The following PDE1C variants were observed in gnomAD, a reference collection of about 807,000 sequenced individuals.
PDE1C encodes the protein dual specificity calcium/calmodulin-dependent 3',5'-cyclic nucleotide phosphodiesterase 1C.
In PDE1C, 62 loss-of-function variants were observed where a neutral mutation model predicts 93.1. The observed-to-expected ratio is 0.67, with a 90% CI of 0.54 to 0.82. PDE1C has a LOEUF of 0.82. PDE1C is among the 40% of genes least tolerant of loss of function. The pLI, the probability that PDE1C is intolerant of heterozygous loss-of-function variation, is 0.00. For missense variants in PDE1C, 742 were observed against 884.6 expected, an observed-to-expected ratio of 0.84 and a Z score of 2.04; for synonymous variants, 325 against 310.1, an observed-to-expected ratio of 1.05 and a Z score of -0.50.
chr7:32,324,474 C>A (rs1436146034), intron 1 of PDE1C, among the ~76,000 whole-genome samples: 2 of 152,222 alleles, frequency 1.3e-5, no homozygotes, highest in Non-Finnish European at 2.9e-5. Context: ...TCAATCAAAT[C>A]TTCCCAAATT....
chr7:31,669,002 G>C, the PDE1C span, among the ~76,000 whole-genome samples: 1 of 128,762 alleles, frequency 7.8e-6, no homozygotes, highest in African/African-American at 2.8e-5. Flanking sequence ...GGAAGGAGAA[G>C]GAAGTAGGGG....
At chr7:32,217,623 T>A (rs1005166209) in intron 1 of PDE1C, among the ~76,000 whole-genome samples, 1 of 152,138 alleles carries the variant, frequency 6.6e-6, no homozygotes, top group Non-Finnish European at 1.5e-5. Flanking sequence ...TTGTGACACA[T>A]GACCAAAGCC....
chr7:32,006,906 T>C (rs571962399), intron 2 of PDE1C, among the ~76,000 whole-genome samples: 248 of 152,282 alleles, frequency 1.6e-3, no homozygotes, highest in Middle Eastern at 3.4e-3. Flanking sequence ...ACAGTGCTCT[T>C]AAGCAAGACA....
At chr7:32,011,724 G>T (rs1205518623) in intron 2 of PDE1C, among the ~76,000 whole-genome samples, 4 of 152,190 alleles carry the variant, frequency 2.6e-5, no homozygotes, top group Non-Finnish European at 5.9e-5. Flanking sequence ...ATATCCTGCT[G>T]ATGGGAATGT....
the PDE1C span, among the ~76,000 whole-genome samples, chr7:31,730,188 A>C: frequency 1.3e-5 from 2 of 152,156 alleles, no homozygotes; most frequent in African/African-American, 4.8e-5. Flanking sequence ...GAACGTGTTT[A>C]CACTAATTAG....
At chr7:32,363,333 A>T (rs757007499) in intron 1 of PDE1C, among the ~76,000 whole-genome samples, 45 of 152,236 alleles carry the variant, frequency 3.0e-4, no homozygotes, top group Admixed American at 1.8e-3. Flanking sequence ...AAAGAAGCTA[A>T]AATAATGTGC....
chr7:31,718,491 T>TCC, the PDE1C span, among the ~76,000 whole-genome samples: 1 of 152,176 alleles, frequency 6.6e-6, no homozygotes. Context: ...CTAGGAAGGC[T>TCC]CCCATCACTG....
At chr7:32,200,326 T>C (rs1487581688) in intron 2 of PDE1C, among the ~76,000 whole-genome samples, 1 of 152,252 alleles carries the variant, frequency 6.6e-6, no homozygotes, top group African/African-American at 2.4e-5. Flanking sequence ...CATTTGATTC[T>C]GCCATTAGTA....
chr7:32,247,852 A>G (rs756511414), intron 1 of PDE1C, among the ~76,000 whole-genome samples: 1 of 152,192 alleles, frequency 6.6e-6, no homozygotes, highest in African/African-American at 2.4e-5. Flanking sequence ...TTATCAGGAC[A>G]TAACCCCATC....
intron 13 of PDE1C, among the ~76,000 whole-genome samples, chr7:31,824,227 T>C (rs910753996): frequency 1.3e-5 from 2 of 152,192 alleles, no homozygotes; most frequent in Non-Finnish European, 2.9e-5. Context: ...AAAGACTTTA[T>C]GGTAGCTAGC....
intron 1 of PDE1C, among the ~76,000 whole-genome samples, chr7:32,341,342 A>AT (rs1783751836): frequency 6.7e-6 from 1 of 148,300 alleles, no homozygotes; most frequent in Admixed American, 6.7e-5. Flanking sequence ...CGCCCGGCTA[A>AT]TTTTTTGTAT....
intron 2 of PDE1C, among the ~76,000 whole-genome samples, chr7:32,043,144 C>T (rs1457666718): frequency 1.3e-5 from 2 of 152,156 alleles, no homozygotes; most frequent in South Asian, 2.1e-4. Flanking sequence ...AAACATCCTA[C>T]AATGCACAGG....
At chr7:32,163,292 G>A (rs755758799) in intron 3 of PDE1C, among the ~76,000 whole-genome samples, 15 of 152,310 alleles carry the variant, frequency 9.8e-5, no homozygotes, top group Middle Eastern at 6.8e-3. Flanking sequence ...CATATCATCA[G>A]CCAGACTGCA....
intron 2 of PDE1C, among the ~76,000 whole-genome samples, chr7:32,196,130 T>C (rs896711545): frequency 2.6e-5 from 4 of 152,140 alleles, no homozygotes; most frequent in African/African-American, 9.7e-5. Flanking sequence ...CTGATTTAGA[T>C]GAAAGGGCCA....
intron 2 of PDE1C, among the ~76,000 whole-genome samples, chr7:31,903,578 T>A (rs762000393): frequency 6.6e-6 from 1 of 152,120 alleles, no homozygotes; most frequent in Non-Finnish European, 1.5e-5. Context: ...ATACTTCTTG[T>A]ATAACCTGCC....
chr7:32,325,271 G>A (rs1389066872), intron 1 of PDE1C, among the ~76,000 whole-genome samples: 1 of 152,168 alleles, frequency 6.6e-6, no homozygotes, highest in African/African-American at 2.4e-5. Context: ...GCCACTGCCT[G>A]AAGATCTCAT....
At chr7:32,074,943 C>G (rs941419492), upstream of PDE1C, among the ~76,000 whole-genome samples, 1 of 152,192 alleles carries the variant, frequency 6.6e-6, no homozygotes, top group Non-Finnish European at 1.5e-5. Context: ...AGCTTGGGCT[C>G]TCTCCTATAG....
At chr7:32,192,526 T>C (rs1804305744) in intron 2 of PDE1C, among the ~76,000 whole-genome samples, 1 of 152,162 alleles carries the variant, frequency 6.6e-6, no homozygotes, top group African/African-American at 2.4e-5. Flanking sequence ...TTCTGGGTTT[T>C]CTATTCTATT....
At chr7:32,385,332 G>C (rs1784601991) in intron 1 of PDE1C, among the ~76,000 whole-genome samples, 1 of 152,210 alleles carries the variant, frequency 6.6e-6, no homozygotes, top group African/African-American at 2.4e-5. Context: ...CCTTAGGCAG[G>C]AAGGTTTTTC....
Sources: allele counts gnomAD v4.1 joint callset (sites outside exome capture counted in the v4.1 genomes callset), GRCh38; gene constraint gnomAD v4.1.1; transcripts MANE v1.5; gene names NCBI Gene and HGNC (gene_info 2026-07-23, HGNC 2026-07-21).